Variants in PDE4D observed in about 807,000 individuals in gnomAD.
PDE4D encodes the protein 3',5'-cyclic-AMP phosphodiesterase 4D.
PDE4D carries 24 observed loss-of-function variants against 87.4 expected under a neutral mutation model. That is an observed-to-expected ratio of 0.27 (90% CI 0.20 to 0.39). The LOEUF is 0.39. Ranked by LOEUF, PDE4D falls within the 10% of genes least tolerant of loss-of-function variation. The pLI is 1.00. For missense variants in PDE4D, 714 were observed against 1,041.0 expected, an observed-to-expected ratio of 0.69 and a Z score of 4.32; for synonymous variants, 384 against 383.2, an observed-to-expected ratio of 1.00 and a Z score of -0.02.
At chr5:59,878,724 AC>A (rs1748970178) in intron 1 of PDE4D, among the ~76,000 whole-genome samples, 1 of 151,876 alleles carries the variant, frequency 6.6e-6, no homozygotes, top group Non-Finnish European at 1.5e-5. Flanking sequence ...TTTAAAAAAA[AC>A]CTCTCTTAAA....
intron 1 of PDE4D, among the ~76,000 whole-genome samples, chr5:60,460,926 G>A (rs751749767): frequency 3.3e-5 from 5 of 151,726 alleles, no homozygotes; most frequent in Non-Finnish European, 7.4e-5. Context: ...TTTTATAAAT[G>A]CAGAACCATT....
chr5:60,070,843 A>G (rs536840114), intron 2 of PDE4D, among the ~76,000 whole-genome samples: 1 of 152,036 alleles, frequency 6.6e-6, no homozygotes, highest in South Asian at 2.1e-4. Flanking sequence ...TGTAATAACT[A>G]TTTCAATATC....
At chr5:59,529,452 C>A (rs2153678686) in intron 1 of PDE4D, among the ~76,000 whole-genome samples, 1 of 152,196 alleles carries the variant, frequency 6.6e-6, no homozygotes, top group East Asian at 1.9e-4. Flanking sequence ...ACAGAGCCAG[C>A]CAATGACACA....
intron 1 of PDE4D, among the ~76,000 whole-genome samples, chr5:60,318,845 A>G (rs1296967406): frequency 2.6e-5 from 4 of 152,106 alleles, no homozygotes; most frequent in Non-Finnish European, 5.9e-5. Context: ...AGTTTCTGCC[A>G]AGAGATCTGC....
At chr5:59,639,722 C>T (rs905790462) in intron 1 of PDE4D, among the ~76,000 whole-genome samples, 4 of 152,084 alleles carry the variant, frequency 2.6e-5, no homozygotes, top group Non-Finnish European at 4.4e-5. Flanking sequence ...TTCCAGGACA[C>T]AGACCCACAC....
intron 1 of PDE4D, among the ~76,000 whole-genome samples, chr5:59,444,489 G>A (rs551596712): frequency 6.6e-6 from 1 of 152,190 alleles, no homozygotes; most frequent in Non-Finnish European, 1.5e-5. Flanking sequence ...TGAGATTTGG[G>A]CTTCTTTTGA....
chr5:59,971,436 T>G (rs1030744087), intron 3 of PDE4D, among the ~76,000 whole-genome samples: 3 of 150,938 alleles, frequency 2.0e-5, no homozygotes, highest in Non-Finnish European at 4.4e-5. Flanking sequence ...GAGAGAGAAA[T>G]TAAAACAAAA....
chr5:58,982,477 G>A (rs892437282), intron 11 of PDE4D, among the ~76,000 whole-genome samples: 1 of 152,218 alleles, frequency 6.6e-6, no homozygotes, highest in African/African-American at 2.4e-5. Flanking sequence ...AGGCAATGCT[G>A]TATGGAATAC....
chr5:59,515,432 G>T (rs1378277250), intron 1 of PDE4D, among the ~76,000 whole-genome samples: 1 of 152,128 alleles, frequency 6.6e-6, no homozygotes, highest in Non-Finnish European at 1.5e-5. Flanking sequence ...AAGCATCCGT[G>T]CAGCCAGTCA....
intron 1 of PDE4D, among the ~76,000 whole-genome samples, chr5:60,519,918 A>G (rs1750961174): frequency 6.6e-6 from 1 of 152,228 alleles, no homozygotes; most frequent in Non-Finnish European, 1.5e-5. Context: ...CCAGTGAAAG[A>G]GTGAAATACT....
At chr5:60,151,845 T>A (rs1781534792) in intron 2 of PDE4D, among the ~76,000 whole-genome samples, 1 of 152,206 alleles carries the variant, frequency 6.6e-6, no homozygotes, top group South Asian at 2.1e-4. Context: ...GCTTTCAGCT[T>A]TTCATCACTG....
intron 2 of PDE4D, among the ~76,000 whole-genome samples, chr5:60,092,043 T>G (rs1405299143): frequency 1.2e-5 from 1 of 86,068 alleles, no homozygotes; most frequent in Non-Finnish European, 2.0e-5. Context: ...AGAGCGAAAC[T>G]CCGTCTCAAA....
At chr5:60,482,137 G>A (rs1367103121) in intron 1 of PDE4D, among the ~76,000 whole-genome samples, 1 of 152,102 alleles carries the variant, frequency 6.6e-6, no homozygotes, top group Non-Finnish European at 1.5e-5. Flanking sequence ...GGTCATGAGA[G>A]TGGAGCCATC....
intron 5 of PDE4D, among the ~76,000 whole-genome samples, chr5:59,173,551 G>A (rs62357970): frequency 2.4e-3 from 367 of 152,282 alleles, no homozygotes; most frequent in Non-Finnish European, 4.2e-3. Flanking sequence ...TAGGAAATCC[G>A]ACAGTCATTA....
chr5:59,157,307 G>T (rs1456890695), intron 5 of PDE4D: 1 of 702,466 alleles, frequency 1.4e-6, no homozygotes, highest in South Asian at 1.5e-5. Context: ...ATCTGCCAGG[G>T]TCACACGTGT....
intron 1 of PDE4D, among the ~76,000 whole-genome samples, chr5:59,511,266 T>C (rs1810238808): frequency 6.6e-6 from 1 of 151,948 alleles, no homozygotes; most frequent in African/African-American, 2.4e-5. Context: ...GTCAGAATAT[T>C]ATGTAGTAAT....
intron 2 of PDE4D, among the ~76,000 whole-genome samples, chr5:60,016,049 GTGTT>G (rs1329290119): frequency 6.6e-6 from 1 of 151,704 alleles, no homozygotes; most frequent in Non-Finnish European, 1.5e-5. Flanking sequence ...GTGTGTGTGT[GTGTT>G]TGTGTGTGTG....
intron 2 of PDE4D, among the ~76,000 whole-genome samples, chr5:60,115,809 T>C (rs1431392494): frequency 6.6e-6 from 1 of 152,106 alleles, no homozygotes; most frequent in Non-Finnish European, 1.5e-5. Context: ...ATTCAGTGCT[T>C]TTAAAAAAGA....
At chr5:59,648,317 T>C (rs1742810919) in intron 1 of PDE4D, among the ~76,000 whole-genome samples, 1 of 152,162 alleles carries the variant, frequency 6.6e-6, no homozygotes, top group Non-Finnish European at 1.5e-5. Context: ...ATTCTAAAAA[T>C]ACTATTCAGT....
Sources: gnomAD v4.1 joint callset for allele counts (sites outside exome capture counted in the v4.1 genomes callset) on GRCh38, gnomAD v4.1.1 for gene constraint, MANE v1.5 for transcripts, NCBI Gene and HGNC (gene_info 2026-07-23, HGNC 2026-07-21) for gene names.